ROBO1: variants seen among roughly 807,000 people sequenced by gnomAD.
The protein encoded by ROBO1 is roundabout homolog 1.
Under a neutral mutation model 195.9 loss-of-function variants are expected in ROBO1, and 149 were observed. That is an observed-to-expected ratio of 0.76 (90% CI 0.67 to 0.87). ROBO1 has a LOEUF of 0.87. ROBO1 is among the 40% of genes least tolerant of loss of function. The pLI, the probability that ROBO1 is intolerant of heterozygous loss-of-function variation, is 0.00. For missense variants in ROBO1, 1,933 were observed against 2,068.3 expected (o/e 0.93, Z 1.27); for synonymous variants, 816 against 733.2 (o/e 1.11, Z -1.82).
At chr3:79,711,437 A>AC in intron 1 of ROBO1, among the ~76,000 whole-genome samples, 1 of 152,318 alleles carries the variant, frequency 6.6e-6, no homozygotes, top group East Asian at 1.9e-4. Context: ...AGAAATCATT[A>AC]TTTAAATTGC....
intron 2 of ROBO1, among the ~76,000 whole-genome samples, chr3:79,560,334 T>G (rs1331538764): frequency 1.6e-5 from 2 of 121,546 alleles, no homozygotes; most frequent in East Asian, 2.4e-4. Flanking sequence ...ATTGAACAAT[T>G]AGAACACATG....
chr3:79,078,557 T>A (rs902540171), intron 3 of ROBO1, among the ~76,000 whole-genome samples: 4 of 151,796 alleles, frequency 2.6e-5, no homozygotes, highest in Non-Finnish European at 5.9e-5. Flanking sequence ...ATGTCCCATA[T>A]ATGCTAGATT....
chr3:79,074,842 A>C (rs917318674), intron 3 of ROBO1, among the ~76,000 whole-genome samples: 2 of 151,906 alleles, frequency 1.3e-5, no homozygotes, highest in Non-Finnish European at 2.9e-5. Flanking sequence ...TACTACATAA[A>C]TCTGTAGCAC....
At chr3:79,520,557 T>A (rs1261423695) in intron 2 of ROBO1, among the ~76,000 whole-genome samples, 1 of 152,202 alleles carries the variant, frequency 6.6e-6, no homozygotes, top group African/African-American at 2.4e-5. Context: ...CAGTTATATT[T>A]CCATATGGGG....
At chr3:79,118,998 C>G (rs939587338) in intron 3 of ROBO1, among the ~76,000 whole-genome samples, 1 of 152,002 alleles carries the variant, frequency 6.6e-6, no homozygotes, top group African/African-American at 2.4e-5. Context: ...TTTTCCTTCC[C>G]CACTATAAAA....
intron 2 of ROBO1, among the ~76,000 whole-genome samples, chr3:79,216,477 CATT>C (rs2082057160): frequency 6.6e-6 from 1 of 152,056 alleles, no homozygotes; most frequent in South Asian, 2.1e-4. Flanking sequence ...AAGTTAAGCA[CATT>C]ACTTTACTAT....
chr3:79,740,934 T>C (rs1170403709), intron 1 of ROBO1, among the ~76,000 whole-genome samples: 1 of 152,188 alleles, frequency 6.6e-6, no homozygotes, highest in East Asian at 1.9e-4. Flanking sequence ...GGGTGGTAGA[T>C]ATAAAAAATA....
At chr3:79,685,349 T>A (rs901164188) in intron 1 of ROBO1, among the ~76,000 whole-genome samples, 7 of 152,160 alleles carry the variant, frequency 4.6e-5, no homozygotes, top group African/African-American at 1.7e-4. Flanking sequence ...GCTCTGAAGA[T>A]GAGCATGGCC....
chr3:79,588,063 G>A (rs1435397254), intron 2 of ROBO1, among the ~76,000 whole-genome samples: 1 of 151,622 alleles, frequency 6.6e-6, no homozygotes, highest in Non-Finnish European at 1.5e-5. Flanking sequence ...TGGGCCCTGA[G>A]TAATCAATTT....
chr3:78,748,176 T>C (rs1448380841), intron 4 of ROBO1, among the ~76,000 whole-genome samples: 1 of 152,182 alleles, frequency 6.6e-6, no homozygotes, highest in East Asian at 1.9e-4. Flanking sequence ...CTGGGTGTGG[T>C]GGCTTACGCC....
chr3:78,634,563 A>T (rs1172091313), intron 23 of ROBO1: 1 of 300,666 alleles, frequency 3.3e-6, no homozygotes, highest in Non-Finnish European at 7.1e-6. Context: ...ATAAACAATA[A>T]ATCAGAGTTC....
chr3:79,115,549 T>C (rs1048814537), intron 3 of ROBO1, among the ~76,000 whole-genome samples: 3 of 152,140 alleles, frequency 2.0e-5, no homozygotes, highest in African/African-American at 7.2e-5. Flanking sequence ...ACAGGTTATA[T>C]ATGGGCTTAA....
intron 1 of ROBO1, among the ~76,000 whole-genome samples, chr3:79,721,609 C>A (rs1202024642): frequency 6.6e-6 from 1 of 152,150 alleles, no homozygotes; most frequent in Non-Finnish European, 1.5e-5. Flanking sequence ...TTGAAAATAT[C>A]AAATGATAGT....
chr3:79,637,384 C>CAAAAAA (rs71130603), intron 1 of ROBO1, among the ~76,000 whole-genome samples: 4 of 131,540 alleles, frequency 3.0e-5, no homozygotes, highest in Non-Finnish European at 4.9e-5. Context: ...TTATAAGTAG[C>CAAAAAA]AAAAAAAAAA....
At chr3:78,859,363 T>A (rs2034647035) in intron 4 of ROBO1, among the ~76,000 whole-genome samples, 1 of 152,196 alleles carries the variant, frequency 6.6e-6, no homozygotes, top group African/African-American at 2.4e-5. Context: ...GCATTAACCT[T>A]ACTGGCTGAG....
intron 2 of ROBO1, among the ~76,000 whole-genome samples, chr3:79,270,057 A>G (rs1399175439): frequency 2.6e-5 from 4 of 151,864 alleles, no homozygotes; most frequent in South Asian, 2.1e-4. Flanking sequence ...CAGATAACAT[A>G]TGGTAGCTCA....
At chr3:79,307,917 A>T (rs992271732) in intron 2 of ROBO1, among the ~76,000 whole-genome samples, 5 of 151,974 alleles carry the variant, frequency 3.3e-5, no homozygotes, top group Non-Finnish European at 7.4e-5. Flanking sequence ...TCAGGAAAAA[A>T]CCTTATATTT....
chr3:79,243,790 C>T (rs2108888172), intron 2 of ROBO1, among the ~76,000 whole-genome samples: 1 of 152,240 alleles, frequency 6.6e-6, no homozygotes, highest in South Asian at 2.1e-4. Context: ...TGCCTATTCA[C>T]TCTGATGGTA....
rs1167482550 is a variant in ROBO1, at chr3:79,412,874, A to ATTTTTTTTTTTTTTTTTTTTTTTTTT, written c.88+176924_88+176949dup. 5.2e-5 allele frequency among the ~76,000 whole-genome samples: 2 copies of ATTTTTTTTTTTTTTTTTTTTTTTTTT among 38,338 alleles called. 1 individual carries two copies. The highest frequency in any genetic ancestry group is 8.6e-5 in the Non-Finnish European group (2 of 23,200). The allele number at this position is 38,338 out of a possible 152,430, so 25.2% of individuals were successfully genotyped here. On this transcript the variant is annotated intron_variant, in intron 2 of 30. Transcript: ENST00000464233. The stretch of plus-strand genomic sequence containing the variant: ...AATGATTTTATTGCCTCATGAGCTG[A>ATTTTTTTTTTTTTTTTTTTTTTTTTT]TTTTTTTTTTTTTTTTTTTTTTTTT...
Sources: allele counts gnomAD v4.1 joint callset (sites outside exome capture counted in the v4.1 genomes callset), GRCh38; gene constraint gnomAD v4.1.1; transcripts MANE v1.5; gene names NCBI Gene and HGNC (gene_info 2026-07-23, HGNC 2026-07-21).